The following SMAD5 variants were observed in gnomAD, a reference collection of about 807,000 sequenced individuals.
SMAD5 encodes the protein MAD, mothers against decapentaplegic homolog 5.
In SMAD5, 9 loss-of-function variants were observed where a neutral mutation model predicts 43.1. The ratio of observed to expected loss-of-function variants is 0.21; its 90% CI spans 0.13 to 0.36. SMAD5 has a LOEUF of 0.36. Among genes scored for constraint, SMAD5 ranks in the 10% least tolerant of loss-of-function variants. The pLI is 1.00. For missense variants in SMAD5, 348 were observed against 574.0 expected, an observed-to-expected ratio of 0.61 and a Z score of 4.02; for synonymous variants, 190 against 192.4, an observed-to-expected ratio of 0.99 and a Z score of 0.10.
At chr5:136,136,228 A>G (rs1482828337) in intron 1 of SMAD5, among the ~76,000 whole-genome samples, 1 of 152,136 alleles carries the variant, frequency 6.6e-6, no homozygotes, top group Non-Finnish European at 1.5e-5. Flanking sequence ...CCCAATCTGG[A>G]GTCCAGTGGC....
At chr5:136,145,453 T>G (rs1247884445) in intron 1 of SMAD5, among the ~76,000 whole-genome samples, 2 of 152,008 alleles carry the variant, frequency 1.3e-5, no homozygotes, top group Non-Finnish European at 2.9e-5. Flanking sequence ...TTCTTCATAC[T>G]TACATTCTTG....
chr5:136,133,485 A>T (rs1752755634), intron 1 of SMAD5: 1 of 152,070 alleles, frequency 6.6e-6, no homozygotes. Flanking sequence ...TGGGAATTAC[A>T]CTCTGGGCAG....
intron 1 of SMAD5, among the ~76,000 whole-genome samples, chr5:136,138,053 A>G (rs1233007419): frequency 2.0e-5 from 3 of 152,210 alleles, no homozygotes; most frequent in African/African-American, 7.2e-5. Flanking sequence ...CGCCTGTACA[A>G]GCATACTCAA....
At chr5:136,165,061 A>T (rs1276385542) in intron 5 of SMAD5, among the ~76,000 whole-genome samples, 3 of 152,184 alleles carry the variant, frequency 2.0e-5, no homozygotes, top group Non-Finnish European at 2.9e-5. Context: ...TTACATATCT[A>T]TACCTCATAG....
At chr5:136,152,340 A>AAATC (rs1203059508) in intron 2 of SMAD5, among the ~76,000 whole-genome samples, 1 of 152,302 alleles carries the variant, frequency 6.6e-6, no homozygotes, top group African/African-American at 2.4e-5. Context: ...GGGATGTAAC[A>AAATC]AAGAATCAAT....
In SMAD5 at chr5:136,181,849, T is replaced by C. The variant is rs1182216479; in HGVS notation, c.*4369T>C. The C allele has an allele frequency of 6.6e-6, 1 of 152,216 alleles. No individual in the cohort carries two copies. Among genetic ancestry groups the C allele is most frequent in the Non-Finnish European group, 1.5e-5 (1 of 68,014 alleles). The allele number at this position is 152,216 out of a possible 1,614,324, so 9.4% of individuals were successfully genotyped here. ...AAATTGGATGGTTTACCAAAACCAATGAAAGGGATTTCACACATCAATTTT... is the reference window on the plus strand; with the variant it reads ...AAATTGGATGGTTTACCAAAACCAACGAAAGGGATTTCACACATCAATTTT... On this transcript the variant is annotated 3_prime_UTR_variant, in exon 8 of 8. Transcript: ENST00000545279.
At chr5:136,145,290 C>T (rs534901576) in intron 1 of SMAD5, among the ~76,000 whole-genome samples, 15 of 151,808 alleles carry the variant, frequency 9.9e-5, no homozygotes, top group African/African-American at 3.6e-4. Flanking sequence ...TTTAACTTCT[C>T]GTGTTGAGTA....
rs1032051161 is a variant in SMAD5, at chr5:136,179,392, A to G, written c.*1912A>G. 1 of 152,494 alleles carries G rather than the reference A, an allele frequency of 6.6e-6. No homozygotes were observed. Among genetic ancestry groups the G allele is most frequent in the African/African-American group, 2.4e-5 (1 of 41,420 alleles). 9.4% of individuals were successfully genotyped at this position (152,494 alleles called of 1,614,324 possible). A position where few individuals can be genotyped will look rare whatever the true frequency, so the allele number is the denominator to read the frequency against. On this transcript the variant is annotated 3_prime_UTR_variant, in exon 8 of 8. Coordinates refer to ENST00000545279, the MANE Select transcript of SMAD5 (RefSeq NM_005903.7). ...ATTTTCTGGTGCCTTTTGAAAGTAT[A>G]TGGAGTCATATCATTCTTCTGTTTA...
Position 136,160,387 on chromosome 5 carries a change from A to AT in SMAD5, c.404-465dup, listed in dbSNP as rs373135828. 3.4e-3 allele frequency among the ~76,000 whole-genome samples: 512 copies of AT among 151,924 alleles called. 7 individuals are homozygous for AT. Among genetic ancestry groups the AT allele is most frequent in the African/African-American group, 0.011 (476 of 41,414 alleles). Reference sequence around the variant, plus strand: ...CCTTGTTCAGTGCGTAGGCCAACTGATTTTCTCATCTCCTCTGCCACCCTC... The same window carrying AT: ...CCTTGTTCAGTGCGTAGGCCAACTGATTTTTCTCATCTCCTCTGCCACCCTC... On this transcript the variant is annotated intron_variant, in intron 3 of 7. Transcript: ENST00000545279.
chr5:136,141,909 G>A (rs781759443), intron 1 of SMAD5, among the ~76,000 whole-genome samples: 3 of 152,026 alleles, frequency 2.0e-5, no homozygotes, highest in Admixed American at 6.6e-5. Flanking sequence ...CTTTAGTAAG[G>A]GTTCATAATA....
chr5:136,135,427 C>T (rs912198915), intron 1 of SMAD5, among the ~76,000 whole-genome samples: 3 of 152,154 alleles, frequency 2.0e-5, no homozygotes, highest in Admixed American at 1.3e-4. Flanking sequence ...CAGTGATGAT[C>T]TTTTTTGTCC....
chr5:136,151,662 T>A (rs1307093787), intron 2 of SMAD5, among the ~76,000 whole-genome samples: 2 of 152,056 alleles, frequency 1.3e-5, no homozygotes, highest in South Asian at 2.1e-4. Flanking sequence ...TGTCTCTCTG[T>A]TGCTCATACA....
At chr5:136,173,085 G>A (rs1754282407) in intron 6 of SMAD5, among the ~76,000 whole-genome samples, 1 of 152,176 alleles carries the variant, frequency 6.6e-6, no homozygotes, top group Non-Finnish European at 1.5e-5. Context: ...GGGTTGAGAT[G>A]ACTTGTAAGT....
chr5:136,182,514 A>G lies in SMAD5; in HGVS notation c.*5034A>G, dbSNP rs1754666921. On this transcript the variant is annotated 3_prime_UTR_variant, in exon 8 of 8. Coordinates refer to ENST00000545279, the MANE Select transcript of SMAD5 (RefSeq NM_005903.7). Reference sequence around the variant, plus strand: ...ATATACAGATAATGAAGACCAAGCTAGTGGCTGCACTGTAGGTCTGCTGCT... The same window carrying G: ...ATATACAGATAATGAAGACCAAGCTGGTGGCTGCACTGTAGGTCTGCTGCT... 6.6e-6 allele frequency: 1 copy of G among 152,658 alleles called. No homozygotes were observed. The highest frequency in any genetic ancestry group is 1.5e-5 in the Non-Finnish European group (1 of 68,042). The allele number at this position is 152,658 out of a possible 1,614,324, so 9.5% of individuals were successfully genotyped here.
intron 7 of SMAD5, among the ~76,000 whole-genome samples, chr5:136,175,174 G>C (rs1377029737): frequency 6.6e-6 from 1 of 152,126 alleles, no homozygotes; most frequent in Non-Finnish European, 1.5e-5. Flanking sequence ...AGAACAGTAT[G>C]GGGGAAACTG....
chr5:136,143,612 T>A (rs542359540), intron 1 of SMAD5, among the ~76,000 whole-genome samples: 27 of 152,068 alleles, frequency 1.8e-4, no homozygotes, highest in African/African-American at 6.5e-4. Flanking sequence ...AGTGATTTGG[T>A]TTTCCTCGTC....
chr5:136,177,244 T>C lies in SMAD5; in HGVS notation c.1255-93T>C. On this transcript the variant is annotated intron_variant, in intron 7 of 7. Coordinates refer to ENST00000545279, the MANE Select transcript of SMAD5 (RefSeq NM_005903.7). The stretch of plus-strand genomic sequence containing the variant: ...TTATGTAACTTCTACATATCTCTAC[T>C]GTTAAAAGCTATCTTTTTCTTATGG... 4 of 1,045,924 alleles carry C rather than the reference T, an allele frequency of 3.8e-6. No individual in the cohort carries two copies. In the South Asian group the frequency reaches 4.0e-5, roughly 10 times the overall value. 64.8% of individuals were successfully genotyped at this position (1,045,924 alleles called of 1,614,324 possible).
In SMAD5 at chr5:136,179,173, A is replaced by C. The variant is rs929331364; in HGVS notation, c.*1693A>C. On this transcript the variant is annotated 3_prime_UTR_variant, in exon 8 of 8. Coordinates refer to ENST00000545279, the MANE Select transcript of SMAD5 (RefSeq NM_005903.7). ...TGTGGAAGCTAGTCTCCCAAAACAC[A>C]ATCTTTAGAGAGAAAAGACATGAAC... The C allele has an allele frequency of 2.0e-5, 3 of 152,368 alleles. No individual in the cohort carries two copies. The highest frequency in any genetic ancestry group is 7.2e-5 in the African/African-American group (3 of 41,452). 9.4% of individuals were successfully genotyped at this position (152,368 alleles called of 1,614,324 possible).
chr5:136,176,979 T>G (rs1483597020), intron 7 of SMAD5, among the ~76,000 whole-genome samples: 1 of 152,206 alleles, frequency 6.6e-6, no homozygotes, highest in Non-Finnish European at 1.5e-5. Context: ...ATTTTCTATT[T>G]TGCATTTATC....
Sources: allele counts gnomAD v4.1 joint callset (sites outside exome capture counted in the v4.1 genomes callset), GRCh38; gene constraint gnomAD v4.1.1; transcripts MANE v1.5; gene names NCBI Gene and HGNC (gene_info 2026-07-23, HGNC 2026-07-21).